Variants in RABGAP1 observed in about 807,000 individuals in gnomAD.
RABGAP1 encodes rab GTPase-activating protein 1.
A neutral mutation model predicts 137.6 loss-of-function variants in RABGAP1; 23 were observed. The observed-to-expected ratio is 0.17, with a 90% CI of 0.12 to 0.24. RABGAP1 has a LOEUF of 0.24. Among genes scored for constraint, RABGAP1 ranks in the 10% least tolerant of loss-of-function variants. The probability of loss-of-function intolerance (pLI) is 1.00; values close to 1 mark genes in which losing one functional copy is unlikely to be tolerated. For missense variants in RABGAP1, 906 were observed against 1,275.8 expected (o/e 0.71, Z 4.42); for synonymous variants, 451 against 450.7 (o/e 1.00, Z -0.01).
intron 2 of RABGAP1, among the ~76,000 whole-genome samples, chr9:122,961,315 G>A (rs935001756): frequency 6.6e-6 from 1 of 152,106 alleles, no homozygotes; most frequent in African/African-American, 2.4e-5. Flanking sequence ...CTGCCCATAA[G>A]ATTTATAGCT....
At chr9:123,057,924 G>T (rs1338467610) in intron 13 of RABGAP1, among the ~76,000 whole-genome samples, 1 of 152,276 alleles carries the variant, frequency 6.6e-6, no homozygotes, top group South Asian at 2.1e-4. Context: ...GTGGCGGCGC[G>T]CGCCTGCAAT....
At chr9:122,996,191 G>A (rs577021324) in intron 7 of RABGAP1, 40 bp downstream of exon 7, 1 of 1,579,088 alleles carries the variant, frequency 6.3e-7, no homozygotes, top group African/African-American at 1.4e-5. Flanking sequence ...TATAAATTTT[G>A]GCTTTTATCA....
At chr9:122,969,988 A>G (rs1023938236) in intron 2 of RABGAP1, among the ~76,000 whole-genome samples, 5 of 151,652 alleles carry the variant, frequency 3.3e-5, no homozygotes, top group Non-Finnish European at 2.9e-5. Context: ...TACAACCTCA[A>G]CCTCCTGGGT....
Position 123,103,469 on chromosome 9 carries a change from A to G in RABGAP1, c.*256A>G, listed in dbSNP as rs2035401034. 6.2e-6 allele frequency: 2 copies of G among 324,174 alleles called. No individual in the cohort carries two copies. Among genetic ancestry groups the G allele is most frequent in the South Asian group, 4.6e-5 (1 of 21,558 alleles). The allele number at this position is 324,174 out of a possible 1,614,324, so 20.1% of individuals were successfully genotyped here. On this transcript the variant is annotated 3_prime_UTR_variant, in exon 26 of 26. Transcript: ENST00000373647. ...AAATCACTCCTCAGTGTGACCTCCC[A>G]GGCCTCTTCCCCGTGTACGTCAACA...
intron 10 of RABGAP1, among the ~76,000 whole-genome samples, chr9:123,000,858 C>T (rs571008261): frequency 6.6e-6 from 1 of 151,718 alleles, no homozygotes; most frequent in Non-Finnish European, 1.5e-5. Context: ...TGTCTTTGTC[C>T]CCTCTTGATT....
At chr9:123,029,562 A>C (rs540557567) in intron 13 of RABGAP1, 1 of 762,600 alleles carries the variant, frequency 1.3e-6, no homozygotes, top group African/African-American at 1.7e-5. Context: ...ATAAGTTTAT[A>C]GTTGGGAACT....
At chr9:122,977,770 T>C (rs781741724) in intron 2 of RABGAP1, among the ~76,000 whole-genome samples, 21 of 152,066 alleles carry the variant, frequency 1.4e-4, no homozygotes, top group Non-Finnish European at 2.9e-4. Context: ...ATAAGTTTGA[T>C]GTATCCAACT....
In RABGAP1 at chr9:122,990,064, G is replaced by A; in HGVS notation, c.774G>A (p.Arg258=). The change falls in exon 6 of 26, where the codon CGG becomes CGA. Residue 258 remains arginine, a synonymous_variant. Coordinates refer to ENST00000373647, the MANE Select transcript of RABGAP1 (RefSeq NM_012197.4). ...AACATGTCTGGTTGTAGGTAAGCCG[G>A]ATACTTTACAGTTTTGCCACTGCCT... ...FRCEIQEAVS[R]ILYSFATAFR... 1 of 1,604,572 alleles carries A rather than the reference G, an allele frequency of 6.2e-7. No individual in the cohort carries two copies. Among genetic ancestry groups the A allele is most frequent in the Non-Finnish European group, 8.5e-7 (1 of 1,172,876 alleles).
chr9:122,962,637 ATATT>A (rs1298619381), intron 2 of RABGAP1, among the ~76,000 whole-genome samples: 12 of 152,178 alleles, frequency 7.9e-5, no homozygotes, highest in Non-Finnish European at 1.5e-5. Context: ...ATATTAGAAA[ATATT>A]TACTAAGTCC....
intron 10 of RABGAP1, among the ~76,000 whole-genome samples, chr9:123,002,658 G>A (rs1194852190): frequency 2.0e-5 from 3 of 151,414 alleles, no homozygotes; most frequent in Non-Finnish European, 4.4e-5. Flanking sequence ...TTTATTTTTA[G>A]CAACCATAAT....
chr9:123,079,239 GT>G (rs56098560), intron 19 of RABGAP1, among the ~76,000 whole-genome samples: 1,803 of 106,640 alleles, frequency 0.017, 35 homozygotes, highest in African/African-American at 0.049. Context: ...GTTTTGTTTT[GT>G]TTTTTTTTTT....
At chr9:123,023,743 ATAT>A (rs2031790609) in intron 13 of RABGAP1, among the ~76,000 whole-genome samples, 1 of 152,228 alleles carries the variant, frequency 6.6e-6, no homozygotes, top group African/African-American at 2.4e-5. Flanking sequence ...GGATTTGTAC[ATAT>A]TATACTTATT....
At chr9:122,962,183 A>G (rs990732586) in intron 2 of RABGAP1, among the ~76,000 whole-genome samples, 1 of 152,040 alleles carries the variant, frequency 6.6e-6, no homozygotes, top group African/African-American at 2.4e-5. Flanking sequence ...TATAAATCAG[A>G]TGCTCATTCT....
chr9:122,972,725 A>T (rs1835533763), intron 2 of RABGAP1, among the ~76,000 whole-genome samples: 1 of 152,144 alleles, frequency 6.6e-6, no homozygotes, highest in Non-Finnish European at 1.5e-5. Context: ...GCTATAGAAC[A>T]GAGGATGGAA....
In RABGAP1 at chr9:123,048,159, G is replaced by A. The variant is rs138418579; in HGVS notation, c.1795-17189G>A. On this transcript the variant is annotated intron_variant, in intron 13 of 25. Transcript: ENST00000373647. ...TCACCATGTTGGCCAGGCTGGTCTC[G>A]AACTCCTGACCTCAGGTGATCCGTC... Among the ~76,000 whole-genome samples, 445 of 151,920 alleles carry A rather than the reference G, an allele frequency of 2.9e-3. 2 individuals are homozygous for A. The highest frequency in any genetic ancestry group is 0.01 in the African/African-American group (420 of 41,470).
At chr9:123,102,115 G>A (rs1023568123) in intron 25 of RABGAP1, among the ~76,000 whole-genome samples, 2 of 152,194 alleles carry the variant, frequency 1.3e-5, no homozygotes, top group Non-Finnish European at 2.9e-5. Context: ...TGGAAATGAT[G>A]AGAGTCCCTA....
At chr9:122,947,848 C>A (rs926453554) in intron 1 of RABGAP1, among the ~76,000 whole-genome samples, 18 of 152,086 alleles carry the variant, frequency 1.2e-4, no homozygotes, top group Admixed American at 6.6e-5. Flanking sequence ...GAAATAGTCT[C>A]AAAATTCAGA....
intron 2 of RABGAP1, 76 bp downstream of exon 2, chr9:122,957,285 A>C: frequency 8.6e-7 from 1 of 1,167,422 alleles, no homozygotes; most frequent in Non-Finnish European, 1.1e-6. Flanking sequence ...AACAGAAAAC[A>C]GATATGGGAG....
At chr9:123,043,505 A>T (rs1044259881) in intron 13 of RABGAP1, among the ~76,000 whole-genome samples, 2 of 152,212 alleles carry the variant, frequency 1.3e-5, no homozygotes, top group African/African-American at 4.8e-5. Context: ...AGAAAAAAAT[A>T]GAAAATTGAA....
Sources: allele counts gnomAD v4.1 joint callset (sites outside exome capture counted in the v4.1 genomes callset), GRCh38; gene constraint gnomAD v4.1.1; transcripts MANE v1.5; gene names NCBI Gene and HGNC (gene_info 2026-07-23, HGNC 2026-07-21).